The following CLTRN variants were observed in gnomAD, a reference collection of about 807,000 sequenced individuals.
CLTRN encodes collectrin, amino acid transport regulator, also known as collectrin.
Under a neutral mutation model 14.5 loss-of-function variants are expected in CLTRN, and 12 were observed. The observed-to-expected ratio is 0.83, with a 90% CI of 0.53 to 1.34. The LOEUF (loss-of-function observed/expected upper bound fraction) is 1.34, where lower values mean the gene tolerates loss of function less well. Among genes scored for constraint, CLTRN ranks in the 40% most tolerant of loss-of-function variants. The probability of loss-of-function intolerance (pLI) is 0.00; values close to 1 mark genes in which losing one functional copy is unlikely to be tolerated. For missense variants in CLTRN, 154 were observed against 165.1 expected, an observed-to-expected ratio of 0.93 and a Z score of 0.37; for synonymous variants, 58 against 56.5, an observed-to-expected ratio of 1.03 and a Z score of -0.12.
At chrX:15,652,620 T>C (rs1003193473) in intron 3 of CLTRN, among the ~76,000 whole-genome samples, 5 of 111,421 alleles carry the variant, frequency 4.5e-5, no homozygotes, top group Non-Finnish European at 7.5e-5. Flanking sequence ...GTTGTTGTTG[T>C]TTTTGCTTTT....
At position 15,650,207 on chromosome X, in the gene CLTRN, T is replaced by G. The variant is rs111792076; in HGVS notation, c.204-5178A>C. Among the ~76,000 whole-genome samples, 900 of 106,760 alleles carry G rather than the reference T, an allele frequency of 8.4e-3. 8 individuals are homozygous for G. The highest frequency in any genetic ancestry group is 0.028 in the African/African-American group (817 of 29,058). 92.7% of individuals were successfully genotyped at this position (106,760 alleles called of 115,157 possible). A position where few individuals can be genotyped will look rare whatever the true frequency, so the allele number is the denominator to read the frequency against. Reference sequence around the variant, plus strand: ...CCAAGTGTTGAGAACCACTGGTACGTAGGGACTCTCTATATTAACTTTGTA... The same window carrying G: ...CCAAGTGTTGAGAACCACTGGTACGGAGGGACTCTCTATATTAACTTTGTA... On this transcript the variant is annotated intron_variant, in intron 3 of 5. Transcript: ENST00000380342.
At chrX:15,646,468 C>A (rs1269555593) in intron 3 of CLTRN, 2 of 255,249 alleles carry the variant, frequency 7.8e-6, no homozygotes, top group Non-Finnish European at 1.5e-5. Context: ...ACCCACCCCC[C>A]CGCCCGACCC....
intron 5 of CLTRN, among the ~76,000 whole-genome samples, chrX:15,628,459 C>T (rs1005678836): frequency 4.5e-5 from 5 of 112,030 alleles, no homozygotes; most frequent in Admixed American, 9.5e-5. Flanking sequence ...GACACTCACA[C>T]ACACAAATTG....
At chrX:15,672,956 T>C (rs1054348725) in intron 1 of CLTRN, among the ~76,000 whole-genome samples, 4 of 112,028 alleles carry the variant, frequency 3.6e-5, no homozygotes, top group Admixed American at 1.9e-4. Flanking sequence ...AACCAGACCA[T>C]TGTGGGGCTG....
At chrX:15,630,345 C>T (rs892331429) in intron 5 of CLTRN, among the ~76,000 whole-genome samples, 4 of 101,493 alleles carry the variant, frequency 3.9e-5, no homozygotes, top group South Asian at 9.1e-4. Context: ...AGACCTTGAA[C>T]GGGCTTTACC....
At chrX:15,644,320 A>T (rs947101563) in intron 4 of CLTRN, among the ~76,000 whole-genome samples, 1 of 111,698 alleles carries the variant, frequency 9.0e-6, no homozygotes, top group Non-Finnish European at 1.9e-5. Flanking sequence ...AAATCAAATG[A>T]ACTGTGTCTA....
rs773456053 is a variant in CLTRN at position 15,644,966 on chromosome X, G to T, written c.267C>A (p.Asp89Glu). ...QRVSFWFVVTDPSKNHTLPAV... is the reference protein window; with the variant it reads ...QRVSFWFVVTEPSKNHTLPAV... ...CAGGAAGGGTGTGATTTTTTGAAGG[G>T]TCTGTAACCACAAACCAGAATGATA... Residue 89 changes from aspartate (D) to glutamate (E), a missense_variant, in exon 4 of 6, where the codon GAC becomes GAA. Asp to Glu is a conservative substitution (Grantham distance 45). Transcript: ENST00000380342. 8.3e-7 allele frequency: 1 copy of T among 1,207,834 alleles called. No homozygotes were observed. The highest frequency in any genetic ancestry group is 1.1e-6 in the Non-Finnish European group (1 of 893,766).
rs374572126 is a variant in CLTRN, at chrX:15,639,718, T to A, written c.356A>T (p.Asn119Ile). ...TTTTAAAAATTCCAGAGTTTGGTCA[T>A]TTAGAAAGAAGGCATTGTTGATCCG... ...KNRINNAFFL[N>I]DQTLEFLKIP... Residue 119 changes from asparagine to isoleucine, a missense_variant, in exon 5 of 6, where the codon AAT becomes ATT. Transcript: ENST00000380342. 1.2e-5 allele frequency: 14 copies of A among 1,207,889 alleles called. No homozygotes were observed. The African/African-American group carries it at 1.9e-4, about 17-fold the overall frequency.
chrX:15,644,426 T>C (rs1231589381), intron 4 of CLTRN, among the ~76,000 whole-genome samples: 1 of 111,985 alleles, frequency 8.9e-6, no homozygotes, highest in East Asian at 2.8e-4. Flanking sequence ...GGGTGGTTCC[T>C]TGAAGTCTCC....
At chrX:15,670,308 A>AACACAC (rs753295306) in intron 1 of CLTRN, among the ~76,000 whole-genome samples, 20,994 of 85,973 alleles carry the variant, frequency 0.24, 2,295 homozygotes, top group East Asian at 0.34. Context: ...CCAAAAACAA[A>AACACAC]ACACACACAC....
chrX:15,631,758 G>A (rs935608417), intron 5 of CLTRN, among the ~76,000 whole-genome samples: 7 of 112,015 alleles, frequency 6.2e-5, no homozygotes, highest in African/African-American at 2.3e-4. Flanking sequence ...GCAGAGTCCT[G>A]GCATTGCTGG....
At chrX:15,658,787 T>C (rs868310248) in intron 3 of CLTRN, among the ~76,000 whole-genome samples, 2 of 108,838 alleles carry the variant, frequency 1.8e-5, no homozygotes, top group South Asian at 4.0e-4. Context: ...AGCTGCAATT[T>C]TGAGGGATAT....
chrX:15,655,780 G>A (rs995773818), intron 3 of CLTRN, among the ~76,000 whole-genome samples: 2 of 111,702 alleles, frequency 1.8e-5, no homozygotes, highest in Non-Finnish European at 3.8e-5. Context: ...GCAACTTGAC[G>A]GAGTCCTGAG....
upstream of CLTRN, chrX:15,665,070 G>A (rs1188367825): frequency 1.1e-5 from 3 of 278,692 alleles, no homozygotes; most frequent in African/African-American, 2.8e-5. Flanking sequence ...AATCCTCCCC[G>A]ACCCCTTCTG....
intron 5 of CLTRN, among the ~76,000 whole-genome samples, chrX:15,637,875 T>C (rs1261610101): frequency 2.7e-5 from 3 of 112,096 alleles, no homozygotes; most frequent in South Asian, 3.7e-4. Context: ...CCAGCTTGAG[T>C]CTAGCACCAC....
At chrX:15,646,198 C>G (rs370141024) in intron 3 of CLTRN, 21 of 202,175 alleles carry the variant, frequency 1.0e-4, no homozygotes, top group South Asian at 9.3e-4. Flanking sequence ...CCGCAAAGCT[C>G]TGGCCTGGCC....
chrX:15,674,263 G>T (rs1440009005), intron 1 of CLTRN, among the ~76,000 whole-genome samples: 4 of 112,078 alleles, frequency 3.6e-5, no homozygotes, highest in African/African-American at 1.3e-4. Context: ...GAGTAAAAAA[G>T]CGTAATCTTG....
chrX:15,667,608 C>G (rs1929646802), upstream of CLTRN, among the ~76,000 whole-genome samples: 1 of 112,718 alleles, frequency 8.9e-6, no homozygotes, highest in Admixed American at 9.3e-5. Flanking sequence ...CTGCCTTGTG[C>G]TTTCTTTTTT....
chrX:15,661,646 C>T (rs1312235295), intron 2 of CLTRN, among the ~76,000 whole-genome samples: 1 of 112,089 alleles, frequency 8.9e-6, no homozygotes, highest in African/African-American at 3.2e-5. Context: ...GTTACTAAAG[C>T]TAAACATTTG....
Sources: allele counts gnomAD v4.1 joint callset (sites outside exome capture counted in the v4.1 genomes callset), GRCh38; gene constraint gnomAD v4.1.1; transcripts MANE v1.5; gene names NCBI Gene and HGNC (gene_info 2026-07-23, HGNC 2026-07-21).